Variants in PDE4D observed in about 807,000 individuals in gnomAD.
PDE4D encodes the protein phosphodiesterase 4D.
In PDE4D, 24 loss-of-function variants were observed where a neutral mutation model predicts 87.4. The observed-to-expected ratio is 0.27, with a 90% confidence interval of 0.20 to 0.39. The LOEUF is 0.39. PDE4D is among the 10% of genes least tolerant of loss of function. The probability of loss-of-function intolerance (pLI) is 1.00; values close to 1 mark genes in which losing one functional copy is unlikely to be tolerated. For synonymous variants in PDE4D, 384 were observed against 383.2 expected (o/e 1.00, Z -0.02); for missense variants, 714 against 1,041.0 (o/e 0.69, Z 4.32).
chr5:59,660,331 A>G (rs978077953), intron 1 of PDE4D, among the ~76,000 whole-genome samples: 5 of 152,166 alleles, frequency 3.3e-5, no homozygotes, highest in Non-Finnish European at 7.3e-5. Flanking sequence ...AGCAGAGCTC[A>G]TTTGTAACCA....
chr5:60,366,301 C>G (rs1326824133), intron 1 of PDE4D, among the ~76,000 whole-genome samples: 1 of 151,796 alleles, frequency 6.6e-6, no homozygotes, highest in Admixed American at 6.6e-5. Context: ...TGTAGGACAC[C>G]AAGCAATTTG....
chr5:59,584,634 G>T (rs138682545), intron 1 of PDE4D, among the ~76,000 whole-genome samples: 2 of 152,260 alleles, frequency 1.3e-5, no homozygotes, highest in African/African-American at 2.4e-5. Context: ...TATAGGTGAG[G>T]CTAATGCAAT....
chr5:59,167,163 G>C (rs1295291596), intron 5 of PDE4D, among the ~76,000 whole-genome samples: 1 of 152,028 alleles, frequency 6.6e-6, no homozygotes, highest in African/African-American at 2.4e-5. Context: ...TAACACATCG[G>C]CGTGACTTTT....
intron 3 of PDE4D, among the ~76,000 whole-genome samples, chr5:59,915,306 A>G (rs1473818277): frequency 6.6e-6 from 1 of 152,214 alleles, no homozygotes; most frequent in Non-Finnish European, 1.5e-5. Flanking sequence ...GAATCAGAAA[A>G]GGACACTGAA....
At chr5:60,257,413 T>C (rs1470455561) in intron 1 of PDE4D, among the ~76,000 whole-genome samples, 4 of 151,952 alleles carry the variant, frequency 2.6e-5, no homozygotes, top group Non-Finnish European at 5.9e-5. Flanking sequence ...GCAGCGGCGA[T>C]ATCTGAACTA....
At chr5:60,515,700 G>A (rs1341458159) in intron 1 of PDE4D, among the ~76,000 whole-genome samples, 1 of 149,088 alleles carries the variant, frequency 6.7e-6, no homozygotes, top group Non-Finnish European at 1.5e-5. Context: ...GATGATATGT[G>A]GATAGTGCGT....
At chr5:59,389,424 C>G (rs368538) in intron 1 of PDE4D, among the ~76,000 whole-genome samples, 37,602 of 151,592 alleles carry the variant, frequency 0.25, 4,994 homozygotes, top group East Asian at 0.39. Flanking sequence ...CTAGGACAGA[C>G]AGAGCCTCTT....
At chr5:59,087,352 G>T (rs988386239) in intron 5 of PDE4D, among the ~76,000 whole-genome samples, 43 of 152,032 alleles carry the variant, frequency 2.8e-4, no homozygotes, top group Middle Eastern at 3.2e-3. Flanking sequence ...CAGGCACAGT[G>T]GTGCGTGCTT....
chr5:59,586,917 G>C (rs184045523), intron 1 of PDE4D: 3 of 985,232 alleles, frequency 3.0e-6, no homozygotes, highest in African/African-American at 3.5e-5. Context: ...TCACTTTAAC[G>C]CAGTGCTACC....
chr5:60,479,770 G>C (rs147650858), intron 1 of PDE4D, among the ~76,000 whole-genome samples: 2 of 152,140 alleles, frequency 1.3e-5, no homozygotes, highest in African/African-American at 4.8e-5. Context: ...AACAGATTTG[G>C]CCTACAGGAA....
chr5:59,890,295 A>ACACACACC (rs1491070396), intron 1 of PDE4D, among the ~76,000 whole-genome samples: 1 of 135,848 alleles, frequency 7.4e-6, no homozygotes, highest in African/African-American at 2.7e-5. Context: ...ACACACACAC[A>ACACACACC]CCTTTTCTTG....
At chr5:60,413,619 A>T (rs1742223651) in intron 1 of PDE4D, among the ~76,000 whole-genome samples, 1 of 152,192 alleles carries the variant, frequency 6.6e-6, no homozygotes, top group Non-Finnish European at 1.5e-5. Context: ...ACCAGATTCT[A>T]AAAGGGCCAA....
At chr5:60,097,426 T>C (rs1775793207) in intron 2 of PDE4D, among the ~76,000 whole-genome samples, 1 of 152,074 alleles carries the variant, frequency 6.6e-6, no homozygotes, top group African/African-American at 2.4e-5. Flanking sequence ...ACATATAATA[T>C]ATACAATTTA....
chr5:60,330,873 A>G (rs1225031658), intron 1 of PDE4D, among the ~76,000 whole-genome samples: 1 of 152,216 alleles, frequency 6.6e-6, no homozygotes, highest in Non-Finnish European at 1.5e-5. Flanking sequence ...GGCCACAGGG[A>G]GATCAACACA....
intron 1 of PDE4D, among the ~76,000 whole-genome samples, chr5:59,622,619 C>T (rs901008392): frequency 1.5e-4 from 23 of 152,096 alleles, no homozygotes; most frequent in Admixed American, 8.5e-4. Context: ...TATTTTTCTC[C>T]GACATTTGTC....
intron 1 of PDE4D, among the ~76,000 whole-genome samples, chr5:60,464,658 C>G (rs1248962460): frequency 2.6e-5 from 4 of 152,178 alleles, no homozygotes; most frequent in Non-Finnish European, 5.9e-5. Context: ...GACAGTCCCT[C>G]TGATCTTGGC....
intron 5 of PDE4D, among the ~76,000 whole-genome samples, chr5:59,154,089 T>C (rs1307475559): frequency 1.3e-5 from 2 of 152,128 alleles, no homozygotes; most frequent in Non-Finnish European, 2.9e-5. Flanking sequence ...GATAGGGGCT[T>C]TGGGTACCAC....
rs1331037984 is a variant in PDE4D, at chr5:60,039,362, A to T, written c.43-50645T>A. On this transcript the variant is annotated intron_variant, in intron 2 of 16. Coordinates refer to the PDE4D transcript ENST00000502484. ...AAAAAACCAAACACCGCATATTCTC[A>T]CTCATAGGTGGGAATTGAACAATGA... Among the ~76,000 whole-genome samples the T allele has an allele frequency of 1.4e-3, 216 of 150,022 alleles. 2 individuals carry two copies. The highest frequency in any genetic ancestry group is 3.0e-3 in the South Asian group (14 of 4,684).
chr5:60,348,505 T>A (rs945287553), intron 1 of PDE4D, among the ~76,000 whole-genome samples: 2 of 152,148 alleles, frequency 1.3e-5, no homozygotes, highest in Non-Finnish European at 2.9e-5. Context: ...CACACAGTAT[T>A]AATTAGTCTT....
Sources: gnomAD v4.1 joint callset for allele counts (sites outside exome capture counted in the v4.1 genomes callset) on GRCh38, gnomAD v4.1.1 for gene constraint, MANE v1.5 for transcripts, NCBI Gene and HGNC (gene_info 2026-07-23, HGNC 2026-07-21) for gene names.